Variants in CAP2 observed in about 807,000 individuals in gnomAD.
CAP2 encodes the protein adenylyl cyclase-associated protein 2.
Under a neutral mutation model 57.7 loss-of-function variants are expected in CAP2, and 24 were observed. The observed-to-expected ratio is 0.42, with a 90% CI of 0.30 to 0.58. The LOEUF (loss-of-function observed/expected upper bound fraction) is 0.58, where lower values mean the gene tolerates loss of function less well. CAP2 is among the 20% of genes least tolerant of loss of function. The probability of loss-of-function intolerance (pLI) is 0.22; values close to 1 mark genes in which losing one functional copy is unlikely to be tolerated. For synonymous variants in CAP2, 194 were observed against 207.2 expected (o/e 0.94, Z 0.55); for missense variants, 501 against 590.3 (o/e 0.85, Z 1.57).
chr6:17,448,565 A>C (rs750245151), intron 3 of CAP2, among the ~76,000 whole-genome samples: 1 of 152,200 alleles, frequency 6.6e-6, no homozygotes, highest in South Asian at 2.1e-4. Context: ...AATTCTTTCC[A>C]GTCTTTGATC....
rs529728513 is a variant in CAP2 at position 17,439,061 on chromosome 6, A to G, written c.222+12371A>G. ...AGGAGCCGGAGGTTGCAATGAATCA[A>G]GATTGTGCCATTGCACTCCAGCCTG... On this transcript the variant is annotated intron_variant, in intron 3 of 12. Transcript: ENST00000229922. 2.0e-3 allele frequency among the ~76,000 whole-genome samples: 303 copies of G among 151,210 alleles called. 12 individuals carry two copies. Among genetic ancestry groups the G allele is most frequent in the African/African-American group, 6.9e-3 (283 of 40,726 alleles).
At chr6:17,431,267 A>G (rs1274894021) in intron 3 of CAP2, among the ~76,000 whole-genome samples, 2 of 152,202 alleles carry the variant, frequency 1.3e-5, no homozygotes, top group Non-Finnish European at 2.9e-5. Flanking sequence ...ATTTACCTAC[A>G]TAACAAACCT....
At chr6:17,521,549 A>G (rs1226155810) in intron 7 of CAP2, among the ~76,000 whole-genome samples, 1 of 152,220 alleles carries the variant, frequency 6.6e-6, no homozygotes. Context: ...TGGCTTAAGC[A>G]TCTACTATGC....
chr6:17,414,754 C>T (rs1467973253), intron 1 of CAP2, among the ~76,000 whole-genome samples: 1 of 152,080 alleles, frequency 6.6e-6, no homozygotes, highest in Non-Finnish European at 1.5e-5. Flanking sequence ...ATTTATAATC[C>T]TTTGGGTCTA....
At chr6:17,515,283 T>C (rs1762250337) in intron 7 of CAP2, among the ~76,000 whole-genome samples, 2 of 152,074 alleles carry the variant, frequency 1.3e-5, no homozygotes, top group Non-Finnish European at 2.9e-5. Flanking sequence ...AGCCATAAAA[T>C]AGAACAAAAT....
intron 1 of CAP2, among the ~76,000 whole-genome samples, chr6:17,413,861 C>T (rs1370617160): frequency 2.6e-5 from 4 of 152,140 alleles, no homozygotes. Flanking sequence ...CGAGACCACC[C>T]TGGCCAACAT....
chr6:17,526,682 G>A (rs2113682051), intron 7 of CAP2, among the ~76,000 whole-genome samples: 1 of 152,240 alleles, frequency 6.6e-6, no homozygotes, highest in Non-Finnish European at 1.5e-5. Context: ...CACAGGCTGG[G>A]CGTAGTGGCT....
chr6:17,459,548 T>C (rs1210379726), intron 3 of CAP2, among the ~76,000 whole-genome samples: 1 of 152,176 alleles, frequency 6.6e-6, no homozygotes, highest in Non-Finnish European at 1.5e-5. Flanking sequence ...GAAAATAGTA[T>C]TTAAGGAACA....
intron 11 of CAP2, among the ~76,000 whole-genome samples, chr6:17,547,182 G>T (rs113070990): frequency 0.014 from 2,136 of 152,200 alleles, 63 homozygotes; most frequent in African/African-American, 0.049. Context: ...TTTTTAAAGT[G>T]ATCTATAAAT....
chr6:17,507,570 CTTT>C lies in CAP2; in HGVS notation c.445-70_445-68del, dbSNP rs918518779. 26 of 990,074 alleles carry C rather than the reference CTTT, an allele frequency of 2.6e-5. No homozygotes were observed. In the Admixed American group the frequency reaches 3.4e-4, roughly 13 times the overall value. 61.3% of individuals were successfully genotyped at this position (990,074 alleles called of 1,614,324 possible). A position where few individuals can be genotyped will look rare whatever the true frequency, so the allele number is the denominator to read the frequency against. ...ACGCGTCTCCATTGCTTTTCTTCTTCTTTAAGGCATTTTCTTTCTTATCCTATT... is the reference window on the plus strand; with the variant it reads ...ACGCGTCTCCATTGCTTTTCTTCTTCAAGGCATTTTCTTTCTTATCCTATT... On this transcript the variant is annotated intron_variant, in intron 5 of 12. Transcript: ENST00000229922.
intron 9 of CAP2, among the ~76,000 whole-genome samples, chr6:17,542,554 G>A (rs185970658): frequency 6.6e-6 from 1 of 152,132 alleles, no homozygotes; most frequent in Non-Finnish European, 1.5e-5. Flanking sequence ...TGGCATCAAG[G>A]CCTCAACAAA....
chr6:17,468,424 C>T (rs1760930370), intron 4 of CAP2, among the ~76,000 whole-genome samples: 2 of 152,332 alleles, frequency 1.3e-5, no homozygotes, highest in South Asian at 2.1e-4. Flanking sequence ...ATGTGCGCTG[C>T]ATTCTGACAT....
intron 1 of CAP2, among the ~76,000 whole-genome samples, chr6:17,409,265 G>A (rs6459542): frequency 0.26 from 39,624 of 151,504 alleles, 6,097 homozygotes; most frequent in Non-Finnish European, 0.33. Context: ...CCAGCTACTC[G>A]GGAGGCTGGG....
chr6:17,426,058 G>A (rs1336141772), intron 2 of CAP2, among the ~76,000 whole-genome samples: 1 of 151,782 alleles, frequency 6.6e-6, no homozygotes, highest in Non-Finnish European at 1.5e-5. Context: ...TCACGCCACT[G>A]CACTCCAGCC....
chr6:17,556,274 C>G, intron 12 of CAP2, 85 bp from the exon 13 acceptor site: 1 of 940,542 alleles, frequency 1.1e-6, no homozygotes, highest in Non-Finnish European at 1.7e-6. Context: ...ACAAATCAGC[C>G]TCACCATCTG....
intron 1 of CAP2, 27 bp from the exon 2 acceptor site, chr6:17,421,528 C>T (rs1366937495): frequency 3.1e-6 from 5 of 1,613,814 alleles, no homozygotes; most frequent in Non-Finnish European, 4.2e-6. Flanking sequence ...GCTCACGCAG[C>T]CTCCATTTGT....
At chr6:17,401,464 A>C (rs1403268647) in intron 1 of CAP2, among the ~76,000 whole-genome samples, 1 of 152,226 alleles carries the variant, frequency 6.6e-6, no homozygotes, top group Non-Finnish European at 1.5e-5. Context: ...TGTGCAAGTG[A>C]TAGATCAATA....
chr6:17,531,351 C>G, intron 7 of CAP2: 3 of 1,517,300 alleles, frequency 2.0e-6, no homozygotes, highest in Non-Finnish European at 2.7e-6. Context: ...CCATTGATAC[C>G]TCTGATCCTG....
chr6:17,542,057 C>CA (rs905067821), intron 9 of CAP2, among the ~76,000 whole-genome samples: 2 of 152,262 alleles, frequency 1.3e-5, no homozygotes, highest in African/African-American at 4.8e-5. Context: ...CTTGCAGAAC[C>CA]AAAAATCTGT....
Sources: gnomAD v4.1 joint callset for allele counts (sites outside exome capture counted in the v4.1 genomes callset) on GRCh38, gnomAD v4.1.1 for gene constraint, MANE v1.5 for transcripts, NCBI Gene and HGNC (gene_info 2026-07-23, HGNC 2026-07-21) for gene names.